FOXO3: variants seen among roughly 807,000 people sequenced by gnomAD.
FOXO3 encodes forkhead box protein O3.
In FOXO3, 4 loss-of-function variants were observed where a neutral mutation model predicts 41.9. The ratio of observed to expected loss-of-function variants is 0.10; its 90% CI spans 0.05 to 0.22. The LOEUF is 0.22. Ranked by LOEUF, FOXO3 falls within the 10% of genes least tolerant of loss-of-function variation. FOXO3 has a pLI of 1.00. For missense variants in FOXO3, 534 were observed against 906.8 expected, an observed-to-expected ratio of 0.59 and a Z score of 5.28; for synonymous variants, 318 against 389.3, an observed-to-expected ratio of 0.82 and a Z score of 2.16.
chr6:108,606,588 C>T (rs1390264863), intron 1 of FOXO3, among the ~76,000 whole-genome samples: 1 of 152,092 alleles, frequency 6.6e-6, no homozygotes, highest in African/African-American at 2.4e-5. Context: ...GCATGAAAAA[C>T]TTTCTTCTTC....
chr6:108,587,519 GTA>G (rs975887892), intron 1 of FOXO3, among the ~76,000 whole-genome samples: 4 of 152,122 alleles, frequency 2.6e-5, no homozygotes, highest in Non-Finnish European at 2.9e-5. Flanking sequence ...ATATATATGT[GTA>G]TGTGTGCACA....
intron 1 of FOXO3, among the ~76,000 whole-genome samples, chr6:108,647,847 T>C (rs1778434893): frequency 1.3e-5 from 2 of 152,176 alleles, no homozygotes; most frequent in Admixed American, 1.3e-4. Context: ...AGCTAGAAAA[T>C]TAACTCTTTT....
chr6:108,671,036 G>T (rs1166083812), intron 2 of FOXO3, among the ~76,000 whole-genome samples: 1 of 152,242 alleles, frequency 6.6e-6, no homozygotes, highest in Non-Finnish European at 1.5e-5. Flanking sequence ...CAGTGGCGAT[G>T]ACAGTTTGTC....
chr6:108,569,098 C>T (rs1776021751), intron 1 of FOXO3, among the ~76,000 whole-genome samples: 1 of 152,148 alleles, frequency 6.6e-6, no homozygotes, highest in African/African-American at 2.4e-5. Context: ...TTGTAATGTT[C>T]TGCATTTTGG....
chr6:108,677,933 G>GC (rs1770681664), intron 2 of FOXO3, among the ~76,000 whole-genome samples: 1 of 151,992 alleles, frequency 6.6e-6, no homozygotes, highest in South Asian at 2.1e-4. Flanking sequence ...AGCAAAGAAT[G>GC]CCCCAAAAAA....
At chr6:108,650,319 C>T (rs1230903476) in intron 1 of FOXO3, among the ~76,000 whole-genome samples, 1 of 152,184 alleles carries the variant, frequency 6.6e-6, no homozygotes, top group Non-Finnish European at 1.5e-5. Context: ...CCCTCTTAGA[C>T]TCTTCTGTCT....
At chr6:108,604,021 A>G (rs1777123620) in intron 1 of FOXO3, among the ~76,000 whole-genome samples, 1 of 152,192 alleles carries the variant, frequency 6.6e-6, no homozygotes, top group Non-Finnish European at 1.5e-5. Flanking sequence ...CTGAAATAAT[A>G]TGGTATTGAG....
chr6:108,585,995 C>T (rs748515221), intron 1 of FOXO3, among the ~76,000 whole-genome samples: 9 of 152,144 alleles, frequency 5.9e-5, no homozygotes, highest in Non-Finnish European at 8.8e-5. Flanking sequence ...CTTTCTCAGC[C>T]GGCTTCCTAC....
intron 1 of FOXO3, among the ~76,000 whole-genome samples, chr6:108,608,358 C>A (rs867468884): frequency 1.3e-5 from 2 of 152,274 alleles, no homozygotes; most frequent in Non-Finnish European, 2.9e-5. Context: ...TCTGGTCTTA[C>A]AAGTAGTTCT....
At chr6:108,623,203 G>A (rs1777717805) in intron 1 of FOXO3, among the ~76,000 whole-genome samples, 1 of 152,138 alleles carries the variant, frequency 6.6e-6, no homozygotes, top group African/African-American at 2.4e-5. Flanking sequence ...GAAGGGGTGG[G>A]GCAGAGACAG....
chr6:108,659,225 A>G (rs542831571), intron 1 of FOXO3, among the ~76,000 whole-genome samples: 2 of 152,280 alleles, frequency 1.3e-5, no homozygotes, highest in African/African-American at 4.8e-5. Context: ...ATTTTTTTTT[A>G]GGAAGGGCCC....
chr6:108,631,260 G>A (rs1181897679), intron 1 of FOXO3, among the ~76,000 whole-genome samples: 1 of 152,168 alleles, frequency 6.6e-6, no homozygotes, highest in African/African-American at 2.4e-5. Context: ...CTGCATGTTG[G>A]AATTTAGTCT....
rs1778203600 is a variant in FOXO3 at position 108,639,692 on chromosome 6, T to TA, written c.622-23762dup. The TA allele has an allele frequency of 1.8e-5, 6 of 324,878 alleles. No homozygotes were observed. In the South Asian group the frequency reaches 4.9e-4, roughly 27 times the overall value. 20.1% of individuals were successfully genotyped at this position (324,878 alleles called of 1,614,324 possible). ...ATAAAATCCAGATACTGCAACTACT[T>TA]ACGCACCTTCCTTTTCTATTTAATT... On this transcript the variant is annotated intron_variant, in intron 1 of 2. Coordinates refer to ENST00000406360, the MANE Select transcript of FOXO3 (RefSeq NM_001455.4).
Position 108,659,041 on chromosome 6 carries a change from C to T in FOXO3, c.622-4414C>T, listed in dbSNP as rs549482552. ...CTGTGACTATAGGTACATGCCACCA[C>T]ACCTAGCTAATTTTTGTATTTTTTG... On this transcript the variant is annotated intron_variant, in intron 1 of 2. Coordinates refer to ENST00000406360, the MANE Select transcript of FOXO3 (RefSeq NM_001455.4). 1.3e-3 allele frequency among the ~76,000 whole-genome samples: 205 copies of T among 152,148 alleles called. 2 individuals carry two copies. Among genetic ancestry groups the T allele is most frequent in the African/African-American group, 4.5e-3 (188 of 41,504 alleles).
intron 1 of FOXO3, among the ~76,000 whole-genome samples, chr6:108,632,750 A>G (rs1216332903): frequency 1.3e-5 from 2 of 152,152 alleles, no homozygotes; most frequent in Non-Finnish European, 2.9e-5. Flanking sequence ...TAGAGAAGCC[A>G]AGTACAGTGT....
intron 1 of FOXO3, among the ~76,000 whole-genome samples, chr6:108,607,169 C>T (rs1312523993): frequency 5.9e-5 from 9 of 151,968 alleles, no homozygotes; most frequent in Non-Finnish European, 1.5e-5. Context: ...AATAATATTT[C>T]AGCTGGGCGC....
At chr6:108,647,041 T>C (rs1778411397) in intron 1 of FOXO3, among the ~76,000 whole-genome samples, 1 of 152,214 alleles carries the variant, frequency 6.6e-6, no homozygotes, top group African/African-American at 2.4e-5. Flanking sequence ...AGCTATCAGG[T>C]AAAAGGACAG....
chr6:108,651,716 G>A (rs1019596925), intron 1 of FOXO3, among the ~76,000 whole-genome samples: 1 of 152,178 alleles, frequency 6.6e-6, no homozygotes, highest in Non-Finnish European at 1.5e-5. Flanking sequence ...ATCCATCCCT[G>A]TAATGTGCTT....
intron 1 of FOXO3, among the ~76,000 whole-genome samples, chr6:108,589,867 A>G (rs1776687571): frequency 6.6e-6 from 1 of 152,244 alleles, no homozygotes; most frequent in African/African-American, 2.4e-5. Flanking sequence ...TAGTCAAGCT[A>G]AAGAGTGAAT....
Sources: gnomAD v4.1 joint callset for allele counts (sites outside exome capture counted in the v4.1 genomes callset) on GRCh38, gnomAD v4.1.1 for gene constraint, MANE v1.5 for transcripts, NCBI Gene and HGNC (gene_info 2026-07-23, HGNC 2026-07-21) for gene names.